The following C10orf67 variants were observed in gnomAD, a reference collection of about 807,000 sequenced individuals.
C10orf67 encodes the protein uncharacterized protein C10orf67, mitochondrial.
A neutral mutation model predicts 35.6 loss-of-function variants in C10orf67; 60 were observed. The observed-to-expected ratio is 1.68, with a 90% CI of 1.37 to 2.09. The LOEUF (loss-of-function observed/expected upper bound fraction) is 2.09, where lower values mean the gene tolerates loss of function less well. C10orf67 is among the 30% of genes most tolerant of loss of function. C10orf67 has a pLI of 0.00. For missense variants in C10orf67, 474 were observed against 330.2 expected, an observed-to-expected ratio of 1.44 and a Z score of -3.38; for synonymous variants, 167 against 115.8, an observed-to-expected ratio of 1.44 and a Z score of -2.84.
intron 1 of C10orf67, chr10:23,344,040 C>A (rs1003568747): frequency 2.0e-4 from 76 of 372,878 alleles, no homozygotes; most frequent in African/African-American, 1.7e-3. Context: ...GCCGCTCGCT[C>A]TCCTGAGTCG....
intron 5 of C10orf67, among the ~76,000 whole-genome samples, chr10:23,295,032 T>TCAGTCAGGAGGGGAGAGCAGAG (rs1184028652): frequency 6.6e-6 from 1 of 152,182 alleles, no homozygotes; most frequent in Admixed American, 6.5e-5. Context: ...TCCATCACCC[T>TCAGTCAGGAGGGGAGAGCAGAG]CAGTCAGGAG....
At chr10:23,263,318 A>G (rs1268190465) in intron 10 of C10orf67, among the ~76,000 whole-genome samples, 2 of 152,252 alleles carry the variant, frequency 1.3e-5, no homozygotes, top group Non-Finnish European at 2.9e-5. Context: ...AAATTTCAGA[A>G]GAAAAGATCT....
intron 1 of C10orf67, among the ~76,000 whole-genome samples, chr10:23,342,789 C>G (rs2132426707): frequency 6.6e-6 from 1 of 152,340 alleles, no homozygotes; most frequent in African/African-American, 2.4e-5. Flanking sequence ...GCTGGGGAAG[C>G]CCAGCCCAGG....
chr10:23,280,311 G>A (rs920365578), intron 8 of C10orf67, among the ~76,000 whole-genome samples: 5 of 152,234 alleles, frequency 3.3e-5, no homozygotes, highest in Admixed American at 3.3e-4. Flanking sequence ...TTTACAAAAC[G>A]ACTGTGGTCA....
intron 1 of C10orf67, among the ~76,000 whole-genome samples, chr10:23,342,032 G>A (rs1054952598): frequency 6.6e-6 from 1 of 151,946 alleles, no homozygotes; most frequent in African/African-American, 2.4e-5. Context: ...GGCAGGCTGG[G>A]GTGTGCTTGT....
intron 8 of C10orf67, 110 bp from the exon 9 acceptor site, chr10:23,267,364 TCTCCC>T (rs1234224618): frequency 3.7e-6 from 2 of 543,264 alleles, no homozygotes; most frequent in Non-Finnish European, 6.6e-6. Flanking sequence ...AAACCATTTG[TCTCCC>T]AAAACGATTA....
rs201495308 is a variant in C10orf67, at chr10:23,279,280, C to T, written c.975+2733G>A. On this transcript the variant is annotated intron_variant, in intron 8 of 15. Transcript: ENST00000636213. Reference sequence around the variant, plus strand: ...ACAGGGACACAGTCACATTAGGCCACGCTTGTGTCATGTTTGTCTTGATGA... The same window carrying T: ...ACAGGGACACAGTCACATTAGGCCATGCTTGTGTCATGTTTGTCTTGATGA... Among the ~76,000 whole-genome samples, 19 of 152,322 alleles carry T rather than the reference C, an allele frequency of 1.2e-4. No homozygotes were observed. The East Asian group carries it at 2.5e-3, about 20-fold the overall frequency.
At chr10:23,211,522 C>G (rs1175692174) in intron 15 of C10orf67, among the ~76,000 whole-genome samples, 1 of 149,736 alleles carries the variant, frequency 6.7e-6, no homozygotes, top group South Asian at 2.1e-4. Context: ...ACACACTTTT[C>G]CAGAGAAGGC....
In C10orf67 at chr10:23,204,156, C is replaced by G. The variant is rs890732227; in HGVS notation, c.*17G>C. 5 of 539,168 alleles carry G rather than the reference C, an allele frequency of 9.3e-6. No individual in the cohort carries two copies. The highest frequency in any genetic ancestry group is 3.3e-5 in the East Asian group (1 of 30,400). 33.4% of individuals were successfully genotyped at this position (539,168 alleles called of 1,614,324 possible). A position where few individuals can be genotyped will look rare whatever the true frequency, so the allele number is the denominator to read the frequency against. ...TCTTTCTGAGGCCCCGTCTGCGCAG[C>G]CCAGGCTTCTGCTGGGTTAATCAAC... On this transcript the variant is annotated 3_prime_UTR_variant, in exon 16 of 16. Transcript: ENST00000636213.
intron 10 of C10orf67, among the ~76,000 whole-genome samples, chr10:23,256,343 C>A (rs550881181): frequency 7.9e-5 from 12 of 152,082 alleles, no homozygotes; most frequent in Non-Finnish European, 1.8e-4. Flanking sequence ...CTCCTGGCTC[C>A]CGCTTAGGAA....
At chr10:23,331,604 A>G (rs113487992) in intron 2 of C10orf67, among the ~76,000 whole-genome samples, 52 of 108,658 alleles carry the variant, frequency 4.8e-4, no homozygotes, top group African/African-American at 1.7e-3. Context: ...GAACCTGGAG[A>G]GAAGGGGAAC....
At chr10:23,314,706 A>G (rs1844632000) in intron 4 of C10orf67, among the ~76,000 whole-genome samples, 1 of 152,080 alleles carries the variant, frequency 6.6e-6, no homozygotes, top group East Asian at 1.9e-4. Flanking sequence ...TTTTTCAGCT[A>G]TAGGACTAGA....
At chr10:23,224,240 C>T (rs762579481) in intron 13 of C10orf67, among the ~76,000 whole-genome samples, 1 of 152,204 alleles carries the variant, frequency 6.6e-6, no homozygotes, top group African/African-American at 2.4e-5. Context: ...TGTTCTGCAG[C>T]CTCCGCTGCT....
chr10:23,242,510 A>G (rs1277392760), intron 12 of C10orf67, among the ~76,000 whole-genome samples: 1 of 152,212 alleles, frequency 6.6e-6, no homozygotes, highest in Non-Finnish European at 1.5e-5. Flanking sequence ...GAGAAGCCCA[A>G]CAAACAGTAA....
Position 23,293,636 on chromosome 10 carries a change from C to A in C10orf67, c.703-2357G>T, listed in dbSNP as rs1278025987. On this transcript the variant is annotated intron_variant, in intron 5 of 15. Coordinates refer to ENST00000636213, the MANE Select transcript of C10orf67 (RefSeq NM_001371909.1). ...ACCACACTATAAGAGAGACTGTGTG[C>A]AATCCATGATCATTCTGGAATTTCA... is the stretch of plus-strand genomic sequence containing the variant. Among the ~76,000 whole-genome samples the A allele has an allele frequency of 2.0e-5, 3 of 152,204 alleles. No individual in the cohort carries two copies. The East Asian group carries it at 5.8e-4, about 29-fold the overall frequency.
intron 8 of C10orf67, among the ~76,000 whole-genome samples, chr10:23,277,956 G>A (rs1462506125): frequency 6.6e-6 from 1 of 152,148 alleles, no homozygotes; most frequent in Non-Finnish European, 1.5e-5. Context: ...AGGGGGAGCA[G>A]GTGTCTCACA....
At chr10:23,343,112 A>G (rs535217933) in intron 1 of C10orf67, among the ~76,000 whole-genome samples, 63 of 152,382 alleles carry the variant, frequency 4.1e-4, no homozygotes, top group Non-Finnish European at 7.5e-4. Context: ...TTAAACAAGG[A>G]TCAAGGAATA....
rs1346664218 is a variant in C10orf67 at position 23,239,742 on chromosome 10, G to A, written c.1421C>T (p.Ser474Phe). Residue 474 changes from serine (S) to phenylalanine (F), a missense_variant, in exon 13 of 16, where the codon TCC (serine) becomes TTC (phenylalanine). Coordinates refer to ENST00000636213, the MANE Select transcript of C10orf67 (RefSeq NM_001371909.1). ...ACATGCACTTACAATATAATTGAAGGATGTGTCAGCAAGCACTGCAAACTG... is the reference window on the plus strand; with the variant it reads ...ACATGCACTTACAATATAATTGAAGAATGTGTCAGCAAGCACTGCAAACTG... ...FRQFAVLADT[S>F]FNYIKVKPLL... The A allele has an allele frequency of 1.1e-5, 7 of 659,936 alleles. No homozygotes were observed. The highest frequency in any genetic ancestry group is 1.8e-5 in the Non-Finnish European group (6 of 342,680). 40.9% of individuals were successfully genotyped at this position (659,936 alleles called of 1,614,324 possible). A position where few individuals can be genotyped will look rare whatever the true frequency, so the allele number is the denominator to read the frequency against.
At chr10:23,228,596 G>A (rs1343949645) in intron 13 of C10orf67, among the ~76,000 whole-genome samples, 3 of 152,078 alleles carry the variant, frequency 2.0e-5, no homozygotes, top group Non-Finnish European at 2.9e-5. Context: ...AATGGGATCT[G>A]ATTAAACTAA....
Sources: allele counts gnomAD v4.1 joint callset (sites outside exome capture counted in the v4.1 genomes callset), GRCh38; gene constraint gnomAD v4.1.1; transcripts MANE v1.5; gene names NCBI Gene and HGNC (gene_info 2026-07-23, HGNC 2026-07-21).